Variants in CTNNA2 observed in about 807,000 individuals in gnomAD.
CTNNA2 encodes catenin alpha 2, also known as catenin alpha-2.
A neutral mutation model predicts 101.0 loss-of-function variants in CTNNA2; 42 were observed. The ratio of observed to expected loss-of-function variants is 0.42; its 90% confidence interval spans 0.32 to 0.54. CTNNA2 has a LOEUF of 0.54. Among genes scored for constraint, CTNNA2 ranks in the 20% least tolerant of loss-of-function variants. CTNNA2 has a pLI of 0.14. For missense variants in CTNNA2, 871 were observed against 1,223.1 expected, an observed-to-expected ratio of 0.71 and a Z score of 4.29; for synonymous variants, 450 against 456.4, an observed-to-expected ratio of 0.99 and a Z score of 0.18.
At chr2:79,523,141 C>T in intron 1 of CTNNA2, 1 of 342,290 alleles carries the variant, frequency 2.9e-6, no homozygotes, top group Non-Finnish European at 5.8e-6. Context: ...TCTTCCTCTA[C>T]ATTAGTTTTT....
chr2:79,709,154 C>A (rs562515339), intron 2 of CTNNA2, among the ~76,000 whole-genome samples: 2 of 152,084 alleles, frequency 1.3e-5, no homozygotes, highest in Admixed American at 1.3e-4. Flanking sequence ...CCATCTATGT[C>A]TTGAATCGAG....
At chr2:80,589,860 C>CTGTG (rs59206973) in intron 15 of CTNNA2, among the ~76,000 whole-genome samples, 3,239 of 140,512 alleles carry the variant, frequency 0.023, 85 homozygotes, top group African/African-American at 0.063. Context: ...ATATGTACCT[C>CTGTG]TGTGTGTGTG....
At position 80,123,447 on chromosome 2, in the gene CTNNA2, GAA is replaced by G. The variant is rs528984412; in HGVS notation, c.1056+213664_1056+213665del. Among the ~76,000 whole-genome samples, 415 of 121,956 alleles carry G rather than the reference GAA, an allele frequency of 3.4e-3. 3 individuals carry two copies. The highest frequency in any genetic ancestry group is 0.011 in the African/African-American group (359 of 33,356). The allele number at this position is 121,956 out of a possible 152,430, so 80.0% of individuals were successfully genotyped here. On this transcript the variant is annotated intron_variant, in intron 7 of 18. Transcript: ENST00000402739. ...GAACATTTGAATTGTTAGTGGTGCA[GAA>G]AAAAAAAAAAAAATACTCCAGGCCT...
At chr2:80,351,101 CAGAATAAA>C (rs1673246776) in intron 7 of CTNNA2, among the ~76,000 whole-genome samples, 1 of 152,020 alleles carries the variant, frequency 6.6e-6, no homozygotes, top group Admixed American at 6.6e-5. Flanking sequence ...CCATTGAGAA[CAGAATAAA>C]AGAATAAAAA....
chr2:79,294,191 G>T (rs2104384211), intron 2 of CTNNA2, among the ~76,000 whole-genome samples: 1 of 149,568 alleles, frequency 6.7e-6, no homozygotes, highest in South Asian at 2.1e-4. Flanking sequence ...GAGAGAAAGA[G>T]AGAGAGAGAG....
chr2:79,356,039 G>A (rs1027748697), intron 3 of CTNNA2, among the ~76,000 whole-genome samples: 1 of 151,598 alleles, frequency 6.6e-6, no homozygotes, highest in African/African-American at 2.4e-5. Context: ...TGTGGCTGCA[G>A]CATTTTACAG....
intron 3 of CTNNA2, among the ~76,000 whole-genome samples, chr2:79,799,617 A>G (rs963452663): frequency 6.6e-6 from 1 of 152,214 alleles, no homozygotes; most frequent in Non-Finnish European, 1.5e-5. Flanking sequence ...TTTGGAACAG[A>G]TAATGAAGCT....
intron 7 of CTNNA2, among the ~76,000 whole-genome samples, chr2:80,267,364 G>A (rs139873911): frequency 1.3e-5 from 2 of 152,326 alleles, no homozygotes; most frequent in Non-Finnish European, 2.9e-5. Context: ...AAAAGAAAGG[G>A]TTGAGAAAGA....
chr2:80,052,044 C>A (rs1696909410), intron 7 of CTNNA2, among the ~76,000 whole-genome samples: 1 of 152,108 alleles, frequency 6.6e-6, no homozygotes, highest in African/African-American at 2.4e-5. Context: ...TTAAGGACAA[C>A]ACGGATACAT....
chr2:80,393,206 A>C lies in CTNNA2; in HGVS notation c.1057-5A>C, dbSNP rs771600832. Reference sequence around the variant, plus strand: ...AATCAGAAATTATTTCTCTTTTCTTAATAGACTGGAAGGAAAGAAAAAGGA... The same window carrying C: ...AATCAGAAATTATTTCTCTTTTCTTCATAGACTGGAAGGAAAGAAAAAGGA... On this transcript the variant is annotated splice_region_variant and splice_polypyrimidine_tract_variant and intron_variant, in intron 7 of 18. Coordinates refer to ENST00000402739, the MANE Select transcript of CTNNA2 (RefSeq NM_001282597.3). 2.3e-5 allele frequency: 36 copies of C among 1,595,374 alleles called. No individual in the cohort carries two copies. Among genetic ancestry groups the C allele is most frequent in the Non-Finnish European group, 3.1e-5 (36 of 1,170,446 alleles).
chr2:79,920,340 A>G lies in CTNNA2; in HGVS notation c.1056+10543A>G, dbSNP rs750897574. ...CTACATTAGTGCATTTATTTCTACT[A>G]TAACACTTGCCACACTCCAAAATCA... On this transcript the variant is annotated intron_variant, in intron 7 of 18. Coordinates refer to ENST00000402739, the MANE Select transcript of CTNNA2 (RefSeq NM_001282597.3). Among the ~76,000 whole-genome samples the G allele has an allele frequency of 1.3e-3, 195 of 152,350 alleles. 1 individual carries two copies. The highest frequency in any genetic ancestry group is 2.0e-3 in the Non-Finnish European group (134 of 68,028).
intron 2 of CTNNA2, among the ~76,000 whole-genome samples, chr2:79,700,246 C>T (rs1446113514): frequency 2.0e-5 from 3 of 152,072 alleles, no homozygotes; most frequent in Non-Finnish European, 4.4e-5. Flanking sequence ...TTATGCTCAT[C>T]ATAAAATTTA....
intron 4 of CTNNA2, among the ~76,000 whole-genome samples, chr2:79,488,043 A>T (rs988351390): frequency 1.3e-5 from 2 of 152,084 alleles, no homozygotes; most frequent in Admixed American, 1.3e-4. Flanking sequence ...TGGGATGTTA[A>T]AAAAGACAGA....
chr2:80,374,973 C>T lies in CTNNA2; in HGVS notation c.1057-18238C>T, dbSNP rs535836545. ...ACACTTACTTAGTGGAATGATATAT[C>T]GTTTGAAATGGAGTGTGGTGGCAGG... On this transcript the variant is annotated intron_variant, in intron 7 of 18. Transcript: ENST00000402739. 9.2e-5 allele frequency among the ~76,000 whole-genome samples: 14 copies of T among 152,038 alleles called. No homozygotes were observed. The South Asian group carries it at 1.9e-3, about 20-fold the overall frequency.
In CTNNA2 at chr2:80,330,203, G is replaced by A. The variant is rs191671735; in HGVS notation, c.1057-63008G>A. Among the ~76,000 whole-genome samples, 141 of 152,274 alleles carry A rather than the reference G, an allele frequency of 9.3e-4. 1 individual carries two copies. The highest frequency in any genetic ancestry group is 1.8e-3 in the Non-Finnish European group (123 of 68,028). On this transcript the variant is annotated intron_variant, in intron 7 of 18. Coordinates refer to ENST00000402739, the MANE Select transcript of CTNNA2 (RefSeq NM_001282597.3). ...TGTGGAGCTATCTTGTGCCAAGCAAGGTGCCAAAGGTTTTACATATGTTCA... is the reference window on the plus strand; with the variant it reads ...TGTGGAGCTATCTTGTGCCAAGCAAAGTGCCAAAGGTTTTACATATGTTCA...
At chr2:80,289,285 C>G (rs1310975727) in intron 7 of CTNNA2, 1 of 152,152 alleles carries the variant, frequency 6.6e-6, no homozygotes, top group African/African-American at 2.4e-5. Context: ...GCTAAGGGAT[C>G]TTTGTAACTT....
intron 9 of CTNNA2, among the ~76,000 whole-genome samples, chr2:80,530,373 C>T (rs778442170): frequency 1.1e-4 from 17 of 152,162 alleles, no homozygotes; most frequent in Non-Finnish European, 2.4e-4. Flanking sequence ...GGGCACTCAA[C>T]AAGGGAGCTT....
chr2:79,296,188 T>C (rs1218262381), intron 2 of CTNNA2, among the ~76,000 whole-genome samples: 4 of 152,120 alleles, frequency 2.6e-5, no homozygotes, highest in Non-Finnish European at 5.9e-5. Flanking sequence ...GATACAAACA[T>C]TACAATGTTA....
At chr2:79,885,981 A>T (rs1683829028) in intron 6 of CTNNA2, among the ~76,000 whole-genome samples, 1 of 152,230 alleles carries the variant, frequency 6.6e-6, no homozygotes, top group African/African-American at 2.4e-5. Flanking sequence ...GATAGCTAAG[A>T]TCATTCATTC....
Sources: allele counts gnomAD v4.1 joint callset (sites outside exome capture counted in the v4.1 genomes callset), GRCh38; gene constraint gnomAD v4.1.1; transcripts MANE v1.5; gene names NCBI Gene and HGNC (gene_info 2026-07-23, HGNC 2026-07-21).